Variants in ANKRD40 observed in about 807,000 individuals in gnomAD.
The protein encoded by ANKRD40 is ankyrin repeat domain-containing protein 40.
Under a neutral mutation model 35.5 loss-of-function variants are expected in ANKRD40, and 24 were observed. The observed-to-expected ratio is 0.68, with a 90% CI of 0.49 to 0.95. The LOEUF (loss-of-function observed/expected upper bound fraction) is 0.95. Ranked by LOEUF, ANKRD40 falls within the 40% of genes least tolerant of loss-of-function variation. The probability of loss-of-function intolerance (pLI) is 0.00; values close to 1 mark genes in which losing one functional copy is unlikely to be tolerated. For missense variants in ANKRD40, 361 were observed against 436.0 expected (o/e 0.83, Z 1.53); for synonymous variants, 147 against 173.5 (o/e 0.85, Z 1.20).
rs1263416667 is a variant in ANKRD40, at chr17:50,707,359, C to T, written c.134+162G>A. 6.6e-6 allele frequency among the ~76,000 whole-genome samples: 1 copy of T among 152,058 alleles called. No homozygotes were observed. ...AGGACGCGCTCCCGACCGCACGAGG[C>T]ATGGGGGCCAGGGCTGGCCTCAAGA... On this transcript the variant is annotated intron_variant, in intron 1 of 4. Transcript: ENST00000285243. This position sits in a 1 kb window ranked among gnomAD's most constrained non-coding sequence, Gnocchi z 4.8.
In ANKRD40 at chr17:50,707,490, T is replaced by G. The variant is rs756399469; in HGVS notation, c.134+31A>C. 6.3e-7 allele frequency: 1 copy of G among 1,594,106 alleles called. No individual in the cohort carries two copies. Among genetic ancestry groups the G allele is most frequent in the Admixed American group, 1.7e-5 (1 of 58,680 alleles). ...CCCCACGCCTTCCGACCGGCTGCCC[T>G]GACCCTAGGCCTCCCCCGCTCCCCA... On this transcript the variant is annotated intron_variant, in intron 1 of 4. Coordinates refer to ENST00000285243, the MANE Select transcript of ANKRD40 (RefSeq NM_052855.4). This position sits in a 1 kb window ranked among gnomAD's most constrained non-coding sequence, Gnocchi z 4.8.
chr17:50,706,929 A>AAAG (rs1968347571), intron 1 of ANKRD40, among the ~76,000 whole-genome samples: 1 of 141,564 alleles, frequency 7.1e-6, no homozygotes, highest in Admixed American at 7.0e-5. Context: ...AAAAAAAAAA[A>AAAG]AAAGAAAGAA....
chr17:50,694,373 C>G lies in ANKRD40; in HGVS notation c.*1624G>C, dbSNP rs1447652360. 2 of 152,184 alleles carry G rather than the reference C, an allele frequency of 1.3e-5. No homozygotes were observed. Among genetic ancestry groups the G allele is most frequent in the Non-Finnish European group, 2.9e-5 (2 of 68,040 alleles). The allele number at this position is 152,184 out of a possible 1,614,324, so 9.4% of individuals were successfully genotyped here. A position where few individuals can be genotyped will look rare whatever the true frequency, so the allele number is the denominator to read the frequency against. ...GCAGGAGGCCATTATCTTAGCACAA[C>G]ATTCTCTTCTGTTGACATCTTCTGC... On this transcript the variant is annotated 3_prime_UTR_variant, in exon 5 of 5. Transcript: ENST00000285243.
intron 4 of ANKRD40, among the ~76,000 whole-genome samples, 170 bp from the exon 5 acceptor site, chr17:50,696,313 G>A (rs2146655293): frequency 6.6e-6 from 1 of 152,250 alleles, no homozygotes; most frequent in Non-Finnish European, 1.5e-5. Context: ...GGATGATTGG[G>A]TTGCAAAGTG....
chr17:50,704,697 T>C lies in ANKRD40; in HGVS notation c.134+2824A>G, dbSNP rs78711299. On this transcript the variant is annotated intron_variant, in intron 1 of 4. Transcript: ENST00000285243. The stretch of plus-strand genomic sequence containing the variant: ...ATCCTATGACCTTGGGAAGGGGCAC[T>C]GTGAAAAGTGAGGAAACAACTTACG... 0.013 allele frequency among the ~76,000 whole-genome samples: 1,954 copies of C among 152,218 alleles called. 116 individuals are homozygous for C. In the East Asian group the frequency reaches 0.19, roughly 15 times the overall value.
At chr17:50,706,929 A>AAAAAG in intron 1 of ANKRD40, among the ~76,000 whole-genome samples, 1 of 141,452 alleles carries the variant, frequency 7.1e-6, no homozygotes, top group Non-Finnish European at 1.6e-5. Context: ...AAAAAAAAAA[A>AAAAAG]AAAGAAAGAA....
chr17:50,700,766 T>A (rs1388278931), intron 1 of ANKRD40, 50 bp from the exon 2 acceptor site: 1 of 1,552,982 alleles, frequency 6.4e-7, no homozygotes, highest in Non-Finnish European at 8.8e-7. Context: ...GATTTTGGAT[T>A]TCAGATTCTA....
intron 1 of ANKRD40, among the ~76,000 whole-genome samples, chr17:50,702,223 G>C (rs1968280435): frequency 6.6e-6 from 1 of 152,078 alleles, no homozygotes; most frequent in African/African-American, 2.4e-5. Flanking sequence ...TGCCCAATAG[G>C]GTGAAACCCC....
intron 3 of ANKRD40, 84 bp from the exon 4 acceptor site, chr17:50,697,205 A>G (rs1830745555): frequency 7.8e-7 from 1 of 1,284,656 alleles, no homozygotes. Context: ...GAAGATGGTT[A>G]TACTTAATCA....
chr17:50,701,412 A>T (rs1968270452), intron 1 of ANKRD40, among the ~76,000 whole-genome samples: 1 of 152,240 alleles, frequency 6.6e-6, no homozygotes. Flanking sequence ...ATACATCAAC[A>T]ACCAAAATTC....
At chr17:50,706,903 CAAAAA>C (rs35024672) in intron 1 of ANKRD40, among the ~76,000 whole-genome samples, 7 of 37,968 alleles carry the variant, frequency 1.8e-4, no homozygotes, top group Admixed American at 5.4e-4. Flanking sequence ...GACCCTGTCT[CAAAAA>C]AAAAAAAAAA....
intron 2 of ANKRD40, chr17:50,700,234 G>A (rs551583213): frequency 1.2e-5 from 3 of 254,302 alleles, no homozygotes; most frequent in Admixed American, 9.8e-5. Context: ...ACCTGAGGTC[G>A]GGAGTTTGAG....
At chr17:50,699,251 A>C in intron 3 of ANKRD40, 148 bp downstream of exon 3, 1 of 1,095,438 alleles carries the variant, frequency 9.1e-7, no homozygotes, top group Non-Finnish European at 1.3e-6. Context: ...AAGGTAAACA[A>C]TTTGTGAATT....
At position 50,699,545 on chromosome 17, in the gene ANKRD40, G is replaced by A; in HGVS notation, c.632C>T (p.Pro211Leu). The A allele has an allele frequency of 6.8e-6, 11 of 1,614,202 alleles. No homozygotes were observed. Among genetic ancestry groups the A allele is most frequent in the Non-Finnish European group, 8.5e-6 (10 of 1,180,038 alleles). The stretch of plus-strand genomic sequence containing the variant: ...CAGGGAGCGGCTCTGACTCACTGGT[G>A]GCTGACAAACAGGACCCGGTTTTGT... ...ESTKPGPVCQPPVSQSRSLFS... is the reference protein window; with the variant it reads ...ESTKPGPVCQLPVSQSRSLFS... Residue 211 changes from proline to leucine, a missense_variant, in exon 3 of 5, where the codon CCA becomes CTA. Physicochemically the swap from Pro to Leu is moderately conservative, Grantham distance 98. This residue lies in a region of ANKRD40 where 172 missense variants were observed against 174.0 expected (regional missense o/e 0.99). Coordinates refer to ENST00000285243, the MANE Select transcript of ANKRD40 (RefSeq NM_052855.4).
chr17:50,700,444 G>GA, intron 2 of ANKRD40, 124 bp downstream of exon 2: 4 of 1,047,290 alleles, frequency 3.8e-6, no homozygotes, highest in Middle Eastern at 5.0e-4. Context: ...ACTCCGTCTC[G>GA]GAAAAAAAAA....
At position 50,694,935 on chromosome 17, in the gene ANKRD40, T is replaced by C. The variant is rs1263781216; in HGVS notation, c.*1062A>G. Reference sequence around the variant, plus strand: ...TAGCTCAGTTTCCCACAATAACCTTTAAAATAGCAACAGATTCAGTCTCAA... The same window carrying C: ...TAGCTCAGTTTCCCACAATAACCTTCAAAATAGCAACAGATTCAGTCTCAA... On this transcript the variant is annotated 3_prime_UTR_variant, in exon 5 of 5. Transcript: ENST00000285243. 1.2e-4 allele frequency: 19 copies of C among 152,182 alleles called. 1 individual carries two copies. Among genetic ancestry groups the C allele is most frequent in the Admixed American group, 1.2e-3 (19 of 15,280 alleles). 9.4% of individuals were successfully genotyped at this position (152,182 alleles called of 1,614,324 possible).
chr17:50,707,438 G>C lies in ANKRD40; in HGVS notation c.134+83C>G, dbSNP rs546840335. 3.7e-5 allele frequency: 57 copies of C among 1,533,038 alleles called. No homozygotes were observed. The highest frequency in any genetic ancestry group is 3.0e-4 in the Admixed American group (16 of 52,750). The allele number at this position is 1,533,038 out of a possible 1,614,324, so 95.0% of individuals were successfully genotyped here. ...AGGCCTCGCCGTAGCCAGGCGTCCC[G>C]CGCTGGGCCCAGGTCGCGACTGACT... On this transcript the variant is annotated intron_variant, in intron 1 of 4. Transcript: ENST00000285243. The surrounding 1 kb of genome is among the most constrained non-coding windows in gnomAD (Gnocchi z 4.8).
At chr17:50,696,778 G>T (rs2146655540) in intron 4 of ANKRD40, 162 bp downstream of exon 4, 33 of 495,250 alleles carry the variant, frequency 6.7e-5, no homozygotes, top group Non-Finnish European at 8.8e-5. Flanking sequence ...AAAAGCCAGT[G>T]TCCCTATAGA....
At position 50,695,923 on chromosome 17, in the gene ANKRD40, AG is replaced by A; in HGVS notation, c.*73del. On this transcript the variant is annotated 3_prime_UTR_variant, in exon 5 of 5. Transcript: ENST00000285243. ...GCCCTCCCGGGCATCTGAGGCATTT[AG>A]ATCAATGGCTTGTCCTTGGCCCAGA... 6.4e-7 allele frequency: 1 copy of A among 1,562,208 alleles called. No homozygotes were observed. Among genetic ancestry groups the A allele is most frequent in the Non-Finnish European group, 8.7e-7 (1 of 1,147,752 alleles).
Sources: gnomAD v4.1 joint callset for allele counts (sites outside exome capture counted in the v4.1 genomes callset) on GRCh38, gnomAD v4.1.1 for gene constraint, gnomAD v4.1.1 regional missense constraint, Gnocchi (gnomAD v3.1) non-coding constraint, MANE v1.5 for transcripts, NCBI Gene and HGNC (gene_info 2026-07-23, HGNC 2026-07-21) for gene names.